Variants in UGT1A10 observed in about 807,000 individuals in gnomAD.
UGT1A10 encodes UDP glucuronosyltransferase family 1 member A10, also known as UDP-glucuronosyltransferase 1A10.
A neutral mutation model predicts 45.8 loss-of-function variants in UGT1A10; 49 were observed. That is an observed-to-expected ratio of 1.07 (90% CI 0.85 to 1.36). UGT1A10 has a LOEUF of 1.36. UGT1A10 is among the 40% of genes most tolerant of loss of function. The probability of loss-of-function intolerance (pLI) is 0.00; values close to 1 mark genes in which losing one functional copy is unlikely to be tolerated. For missense variants in UGT1A10, 745 were observed against 668.6 expected (o/e 1.11, Z -1.26); for synonymous variants, 284 against 249.7 (o/e 1.14, Z -1.29).
intron 1 of UGT1A10, among the ~76,000 whole-genome samples, chr2:233,678,018 C>T (rs1047311283): frequency 1.3e-5 from 2 of 152,054 alleles, no homozygotes; most frequent in African/African-American, 4.8e-5. Context: ...TCCTTTGTAA[C>T]AACATGGATG....
At chr2:233,648,370 G>A in intron 1 of UGT1A10, 1 of 378,806 alleles carries the variant, frequency 2.6e-6, no homozygotes, top group South Asian at 3.0e-5. Flanking sequence ...CCTTGAAGAA[G>A]GTGCACAGTG....
chr2:233,712,705 T>C (rs991902225), intron 1 of UGT1A10, among the ~76,000 whole-genome samples: 6 of 152,022 alleles, frequency 3.9e-5, no homozygotes, highest in South Asian at 2.1e-4. Context: ...CAGCCTTGTG[T>C]TGGGAATTGA....
In UGT1A10 at chr2:233,656,911, T is replaced by A. The variant is rs149069874; in HGVS notation, c.855+19534T>A. 1.1e-4 allele frequency among the ~76,000 whole-genome samples: 16 copies of A among 151,928 alleles called. No individual in the cohort carries two copies. The East Asian group carries it at 2.9e-3, about 28-fold the overall frequency. The stretch of plus-strand genomic sequence containing the variant: ...GCACATGCTTCATGTGGCATCTCCC[T>A]TAGTTAAACATCTTTTTTTTTTTTC... On this transcript the variant is annotated intron_variant, in intron 1 of 4. Transcript: ENST00000344644.
intron 1 of UGT1A10, among the ~76,000 whole-genome samples, chr2:233,695,529 T>C (rs774353867): frequency 6.6e-6 from 1 of 152,094 alleles, no homozygotes; most frequent in Non-Finnish European, 1.5e-5. Context: ...ATTTCTTTTT[T>C]CTTTTTCTTT....
rs184232435 is a variant in UGT1A10 at position 233,652,876 on chromosome 2, G to A, written c.855+15499G>A. Among the ~76,000 whole-genome samples the A allele has an allele frequency of 1.1e-4, 16 of 152,350 alleles. No homozygotes were observed. In the East Asian group the frequency reaches 3.1e-3, roughly 29 times the overall value. ...AAAAGTTTAGAAGGAAACATTTGGGGAAGTATTTATGACCCAGATTTGGAA... is the reference window on the plus strand; with the variant it reads ...AAAAGTTTAGAAGGAAACATTTGGGAAAGTATTTATGACCCAGATTTGGAA... On this transcript the variant is annotated intron_variant, in intron 1 of 4. Coordinates refer to ENST00000344644, the MANE Select transcript of UGT1A10 (RefSeq NM_019075.4).
At chr2:233,717,267 T>C (rs1350821692) in intron 1 of UGT1A10, among the ~76,000 whole-genome samples, 1 of 152,078 alleles carries the variant, frequency 6.6e-6, no homozygotes, top group African/African-American at 2.4e-5. Context: ...GGAGGAATAG[T>C]TGAGAAGCTG....
At chr2:233,648,158 T>C in intron 1 of UGT1A10, 1 of 1,116,140 alleles carries the variant, frequency 9.0e-7, no homozygotes, top group Non-Finnish European at 1.3e-6. Context: ...TTATTTTCTC[T>C]ATTAATGAGT....
chr2:233,680,053 A>T (rs1247951013), intron 1 of UGT1A10, among the ~76,000 whole-genome samples: 9 of 149,908 alleles, frequency 6.0e-5, no homozygotes, highest in Non-Finnish European at 1.2e-4. Flanking sequence ...TTTCTTTTGC[A>T]ATGGTCCTTA....
chr2:233,690,029 C>A, intron 1 of UGT1A10: 1 of 430,514 alleles, frequency 2.3e-6, no homozygotes, highest in Non-Finnish European at 4.6e-6. Flanking sequence ...TCCTCAAGAT[C>A]TGGGCCCAGA....
chr2:233,647,391 T>G (rs1005213723), intron 1 of UGT1A10, among the ~76,000 whole-genome samples: 2 of 152,248 alleles, frequency 1.3e-5, no homozygotes, highest in African/African-American at 4.8e-5. Flanking sequence ...GTGGTAATGT[T>G]GGTCTCACAG....
chr2:233,761,403 A>G (rs1379452016), intron 1 of UGT1A10, among the ~76,000 whole-genome samples: 2 of 152,210 alleles, frequency 1.3e-5, no homozygotes, highest in Non-Finnish European at 2.9e-5. Context: ...ATAGTAATCA[A>G]TTAGAAACAA....
At chr2:233,690,906 T>C in intron 1 of UGT1A10, 3 of 1,026,092 alleles carry the variant, frequency 2.9e-6, no homozygotes, top group Non-Finnish European at 3.5e-6. Flanking sequence ...TGCATAGTGA[T>C]GTTAGTTTCA....
chr2:233,693,470 G>C, intron 1 of UGT1A10: 1 of 1,614,122 alleles, frequency 6.2e-7, no homozygotes, highest in Non-Finnish European at 8.5e-7. Flanking sequence ...CTTACCCTGT[G>C]GGGTGATCCT....
intron 1 of UGT1A10, among the ~76,000 whole-genome samples, chr2:233,705,148 AAG>A (rs939982250): frequency 6.6e-5 from 10 of 150,986 alleles, no homozygotes; most frequent in African/African-American, 4.9e-5. Context: ...AAAAAAAAAA[AAG>A]AGAGAGAGAG....
chr2:233,680,241 A>G (rs2074479901), intron 1 of UGT1A10, among the ~76,000 whole-genome samples: 1 of 152,154 alleles, frequency 6.6e-6, no homozygotes, highest in Non-Finnish European at 1.5e-5. Flanking sequence ...AGGTTTAAAA[A>G]ATTACACTAA....
chr2:233,743,673 G>A, intron 1 of UGT1A10: 1 of 1,367,190 alleles, frequency 7.3e-7, no homozygotes, highest in South Asian at 1.1e-5. Flanking sequence ...TCCTCGAAGG[G>A]CCTGCCGCCT....
intron 1 of UGT1A10, among the ~76,000 whole-genome samples, chr2:233,694,053 G>C (rs1403841501): frequency 6.6e-6 from 1 of 152,180 alleles, no homozygotes; most frequent in Admixed American, 6.5e-5. Context: ...AGAGGCATTC[G>C]GATGAAGACA....
intron 1 of UGT1A10, chr2:233,750,478 T>A (rs1694468358): frequency 1.3e-5 from 2 of 151,902 alleles, no homozygotes. Context: ...GCTATAGAAA[T>A]TTGCATAAGT....
chr2:233,682,400 T>A, intron 1 of UGT1A10: 1 of 1,614,010 alleles, frequency 6.2e-7, no homozygotes, highest in Non-Finnish European at 8.5e-7. Context: ...TGCCTGTGGC[T>A]TAATTGTTGC....
Sources: allele counts gnomAD v4.1 joint callset (sites outside exome capture counted in the v4.1 genomes callset), GRCh38; gene constraint gnomAD v4.1.1; transcripts MANE v1.5; gene names NCBI Gene and HGNC (gene_info 2026-07-23, HGNC 2026-07-21).